Variants in TRUB1 observed in about 807,000 individuals in gnomAD.
TRUB1 encodes pseudouridylate synthase TRUB1.
Under a neutral mutation model 33.9 loss-of-function variants are expected in TRUB1, and 23 were observed. The observed-to-expected ratio is 0.68, with a 90% CI of 0.49 to 0.96. TRUB1 has a LOEUF of 0.96. Among genes scored for constraint, TRUB1 ranks in the 40% least tolerant of loss-of-function variants. The probability of loss-of-function intolerance (pLI) is 0.00; values close to 1 mark genes in which losing one functional copy is unlikely to be tolerated. For synonymous variants in TRUB1, 163 were observed against 165.4 expected (o/e 0.99, Z 0.11); for missense variants, 378 against 422.2 (o/e 0.90, Z 0.92).
intron 2 of TRUB1, among the ~76,000 whole-genome samples, chr10:114,948,444 T>C (rs1056743555): frequency 1.7e-4 from 26 of 152,204 alleles, no homozygotes; most frequent in African/African-American, 6.3e-4. Flanking sequence ...AAATCACAGC[T>C]GAAGCCAGGT....
In TRUB1 at chr10:114,977,603, T is replaced by TTG. The variant is rs2084367425; in HGVS notation, c.*2224_*2225insTG. The TTG allele has an allele frequency of 6.6e-6, 1 of 152,056 alleles. No homozygotes were observed. Among genetic ancestry groups the TTG allele is most frequent in the African/African-American group, 2.4e-5 (1 of 41,458 alleles). The allele number at this position is 152,056 out of a possible 1,614,324, so 9.4% of individuals were successfully genotyped here. On this transcript the variant is annotated 3_prime_UTR_variant, in exon 8 of 8. Coordinates refer to ENST00000298746, the MANE Select transcript of TRUB1 (RefSeq NM_139169.5). Reference sequence around the variant, plus strand: ...AACATAGGAGAGAAATCAAAGTTTTTCTGATTTGCTTTTATGTGATTTATC... The same window carrying TTG: ...AACATAGGAGAGAAATCAAAGTTTTTTGCTGATTTGCTTTTATGTGATTTATC...
intron 4 of TRUB1, among the ~76,000 whole-genome samples, chr10:114,962,087 CTA>C (rs2084287160): frequency 6.6e-6 from 1 of 152,172 alleles, no homozygotes; most frequent in Non-Finnish European, 1.5e-5. Flanking sequence ...TATTAGCAGA[CTA>C]AAAGTCTTTT....
Position 114,972,161 on chromosome 10 carries a change from A to G in TRUB1, c.623A>G (p.Gln208Arg). 11 of 1,613,584 alleles carry G rather than the reference A, an allele frequency of 6.8e-6. No individual in the cohort carries two copies. Among genetic ancestry groups the G allele is most frequent in the Non-Finnish European group, 9.3e-6 (11 of 1,179,760 alleles). ...TATTCTGCATTAAAGAAAGATGGACAAAGACTTTCGACTTTGATGAAGAGA... is the reference window on the plus strand; with the variant it reads ...TATTCTGCATTAAAGAAAGATGGACGAAGACTTTCGACTTTGATGAAGAGA... ...PLYSALKKDG[Q>R]RLSTLMKRGE... The change falls in exon 6 of 8, where the codon CAA becomes CGA. Residue 208 changes from glutamine (Q) to arginine (R), a missense_variant. Gln to Arg is a conservative substitution (Grantham distance 43). Transcript: ENST00000298746.
At chr10:114,960,649 T>C (rs1336201357) in intron 4 of TRUB1, among the ~76,000 whole-genome samples, 1 of 152,164 alleles carries the variant, frequency 6.6e-6, no homozygotes, top group African/African-American at 2.4e-5. Context: ...GCTTAGTATC[T>C]TGCTCAATTA....
chr10:114,951,783 G>T (rs981633250), intron 3 of TRUB1, among the ~76,000 whole-genome samples: 10 of 152,172 alleles, frequency 6.6e-5, no homozygotes, highest in African/African-American at 2.4e-4. Flanking sequence ...TTAGGTGCTG[G>T]TTATAAGTGC....
At chr10:114,967,946 G>A (rs1375156723) in intron 4 of TRUB1, among the ~76,000 whole-genome samples, 3 of 152,092 alleles carry the variant, frequency 2.0e-5, no homozygotes, top group African/African-American at 7.2e-5. Flanking sequence ...ATGCCCTTCA[G>A]CCTTGAGATT....
chr10:114,954,837 A>G (rs576289235), intron 3 of TRUB1, among the ~76,000 whole-genome samples: 31 of 152,124 alleles, frequency 2.0e-4, no homozygotes, highest in Non-Finnish European at 4.0e-4. Flanking sequence ...TTCTAGCCAC[A>G]TGTTCTGTAG....
intron 6 of TRUB1, 113 bp from the exon 7 acceptor site, chr10:114,974,216 A>G (rs2084349751): frequency 2.7e-6 from 2 of 751,174 alleles, no homozygotes; most frequent in Non-Finnish European, 4.5e-6. Context: ...TAAATATTTT[A>G]TCACTCAATT....
Position 114,942,670 on chromosome 10 carries a change from G to C in TRUB1, c.312G>C (p.Trp104Cys). The change falls in exon 2 of 8, where the codon TGG becomes TGC. Residue 104 changes from tryptophan to cysteine, a missense_variant. Trp to Cys is a radical substitution (Grantham distance 215). Transcript: ENST00000298746. ...AAGCTGGAATGCCTTCTCCAGAATGGACCAAGAGGAAAAAGCAGACTTTGA... is the reference window on the plus strand; with the variant it reads ...AAGCTGGAATGCCTTCTCCAGAATGCACCAAGAGGAAAAAGCAGACTTTGA... ...LAEAGMPSPE[W>C]TKRKKQTLKI... The C allele has an allele frequency of 6.2e-7, 1 of 1,613,874 alleles. No homozygotes were observed. Among genetic ancestry groups the C allele is most frequent in the Non-Finnish European group, 8.5e-7 (1 of 1,179,874 alleles).
At chr10:114,954,734 T>C (rs1269048996) in intron 3 of TRUB1, among the ~76,000 whole-genome samples, 1 of 152,176 alleles carries the variant, frequency 6.6e-6, no homozygotes, top group Admixed American at 6.5e-5. Context: ...GTGCCTTGTG[T>C]ATGGAAATTG....
intron 4 of TRUB1, 151 bp from the exon 5 acceptor site, chr10:114,970,217 T>A (rs184864242): frequency 2.3e-5 from 12 of 522,522 alleles, no homozygotes; most frequent in Non-Finnish European, 3.7e-5. Flanking sequence ...TTTATTCTTT[T>A]TAACAAGGTA....
chr10:114,946,723 A>T (rs918760927), intron 2 of TRUB1, among the ~76,000 whole-genome samples: 7 of 108,100 alleles, frequency 6.5e-5, no homozygotes, highest in African/African-American at 3.3e-4. Flanking sequence ...TTTACTTTCA[A>T]CATTTTTTTT....
intron 1 of TRUB1, among the ~76,000 whole-genome samples, chr10:114,940,346 C>G (rs2084180938): frequency 6.6e-6 from 1 of 152,160 alleles, no homozygotes. Context: ...GGCTCGAACT[C>G]CCGACCTCAG....
At chr10:114,974,246 A>G (rs1236404010) in intron 6 of TRUB1, 83 bp from the exon 7 acceptor site, 1 of 998,248 alleles carries the variant, frequency 1.0e-6, no homozygotes, top group African/African-American at 1.6e-5. Context: ...GTGCATTTTT[A>G]CATTTGTTTA....
intron 4 of TRUB1, among the ~76,000 whole-genome samples, chr10:114,963,734 G>A (rs1012709255): frequency 1.3e-5 from 2 of 151,950 alleles, no homozygotes; most frequent in Non-Finnish European, 2.9e-5. Context: ...TGTGTCCTTT[G>A]GTGTCTAAAT....
intron 4 of TRUB1, among the ~76,000 whole-genome samples, chr10:114,960,757 A>T (rs1343468822): frequency 6.6e-6 from 1 of 152,180 alleles, no homozygotes; most frequent in African/African-American, 2.4e-5. Flanking sequence ...ATTAATAAAT[A>T]ATAGCAGACC....
intron 4 of TRUB1, among the ~76,000 whole-genome samples, chr10:114,963,036 G>C (rs890450444): frequency 2.6e-5 from 4 of 152,118 alleles, no homozygotes; most frequent in African/African-American, 9.7e-5. Flanking sequence ...TCTGTTCTCC[G>C]CTGAGCTAAG....
At chr10:114,945,549 G>A (rs1298521251) in intron 2 of TRUB1, among the ~76,000 whole-genome samples, 1 of 152,194 alleles carries the variant, frequency 6.6e-6, no homozygotes, top group Non-Finnish European at 1.5e-5. Flanking sequence ...TGAAAGTTTA[G>A]TTTTTACCCT....
intron 4 of TRUB1, among the ~76,000 whole-genome samples, chr10:114,964,563 A>G (rs1488224574): frequency 6.6e-6 from 1 of 152,026 alleles, no homozygotes; most frequent in African/African-American, 2.4e-5. Flanking sequence ...CTTCTCCTTT[A>G]TGGTTGGTCC....
Sources: gnomAD v4.1 joint callset for allele counts (sites outside exome capture counted in the v4.1 genomes callset) on GRCh38, gnomAD v4.1.1 for gene constraint, MANE v1.5 for transcripts, NCBI Gene and HGNC (gene_info 2026-07-23, HGNC 2026-07-21) for gene names.